Variants in ST3GAL3 observed in about 807,000 individuals in gnomAD.
ST3GAL3 encodes the protein ST3 beta-galactoside alpha-2,3-sialyltransferase 3.
A neutral mutation model predicts 50.1 loss-of-function variants in ST3GAL3; 21 were observed. The ratio of observed to expected loss-of-function variants is 0.42; its 90% CI spans 0.30 to 0.60. The LOEUF (loss-of-function observed/expected upper bound fraction) is 0.60, where lower values mean the gene tolerates loss of function less well. Among genes scored for constraint, ST3GAL3 ranks in the 20% least tolerant of loss-of-function variants. The pLI, the probability that ST3GAL3 is intolerant of heterozygous loss-of-function variation, is 0.19. For missense variants in ST3GAL3, 353 were observed against 489.4 expected, an observed-to-expected ratio of 0.72 and a Z score of 2.63; for synonymous variants, 183 against 190.0, an observed-to-expected ratio of 0.96 and a Z score of 0.30.
At chr1:43,788,608 A>G (rs2057650283) in intron 2 of ST3GAL3, among the ~76,000 whole-genome samples, 1 of 152,216 alleles carries the variant, frequency 6.6e-6, no homozygotes, top group African/African-American at 2.4e-5. Flanking sequence ...TTTACCTCCA[A>G]CTTGTAAAAT....
At chr1:43,855,040 C>T (rs1175639897) in intron 5 of ST3GAL3, among the ~76,000 whole-genome samples, 1 of 152,058 alleles carries the variant, frequency 6.6e-6, no homozygotes, top group African/African-American at 2.4e-5. Context: ...CCACATTGAT[C>T]CTATTATTCT....
At chr1:43,793,939 T>C (rs2058385170) in intron 3 of ST3GAL3, among the ~76,000 whole-genome samples, 1 of 151,792 alleles carries the variant, frequency 6.6e-6, no homozygotes, top group South Asian at 2.1e-4. Flanking sequence ...TTTAAAATAG[T>C]AAGGGCACGG....
At chr1:43,796,385 A>C (rs567363526) in intron 3 of ST3GAL3, among the ~76,000 whole-genome samples, 1 of 152,376 alleles carries the variant, frequency 6.6e-6, no homozygotes, top group East Asian at 1.9e-4. Flanking sequence ...AACCGCTTTA[A>C]GTTATTTATG....
chr1:43,775,523 G>T (rs966118594), intron 2 of ST3GAL3, among the ~76,000 whole-genome samples: 8 of 152,088 alleles, frequency 5.3e-5, no homozygotes. Flanking sequence ...GTGAGCCACC[G>T]CACTCAGCCG....
At chr1:43,723,515 T>C (rs1191298780) in intron 1 of ST3GAL3, among the ~76,000 whole-genome samples, 1 of 152,242 alleles carries the variant, frequency 6.6e-6, no homozygotes, top group African/African-American at 2.4e-5. Flanking sequence ...TTGCTTCTTA[T>C]ACAGCCTACA....
At chr1:43,850,306 C>A in intron 5 of ST3GAL3, 2 of 568,340 alleles carry the variant, frequency 3.5e-6, no homozygotes, top group Admixed American at 2.3e-5. Flanking sequence ...CTTTAGAAGT[C>A]AGGCAGGCCA....
intron 9 of ST3GAL3, among the ~76,000 whole-genome samples, chr1:43,907,132 T>C (rs2079917968): frequency 6.6e-6 from 1 of 152,186 alleles, no homozygotes; most frequent in Admixed American, 6.5e-5. Flanking sequence ...TCCACAACCC[T>C]ACAAGGCAGA....
chr1:43,904,371 C>G (rs954545254), intron 9 of ST3GAL3, among the ~76,000 whole-genome samples: 4 of 151,722 alleles, frequency 2.6e-5, no homozygotes, highest in African/African-American at 9.7e-5. Context: ...CTCCTGCTCC[C>G]GAGCCAGCAT....
rs762331055 is a variant in ST3GAL3, at chr1:43,751,883, G to A, written c.118+15503G>A. Among the ~76,000 whole-genome samples the A allele has an allele frequency of 2.8e-4, 43 of 151,554 alleles. No individual in the cohort carries two copies. In the East Asian group the frequency reaches 3.5e-3, roughly 12 times the overall value. The stretch of plus-strand genomic sequence containing the variant: ...CACCCAGGCTGGAGTGCAGTGGCGC[G>A]ATCTCGGCTCACTGCAACCTCCACC... On this transcript the variant is annotated intron_variant, in intron 2 of 11. Transcript: ENST00000347631.
At position 43,930,194 on chromosome 1, in the gene ST3GAL3, C is replaced by T. The variant is rs2084836496; in HGVS notation, c.1101C>T (p.Val367=). 3.7e-6 allele frequency: 6 copies of T among 1,613,962 alleles called. No individual in the cohort carries two copies. The highest frequency in any genetic ancestry group is 1.1e-5 in the South Asian group (1 of 91,066). ...TGCGGAAGCTGGTGAAAGCTCGCGTCATCACTGATCTAAGCAGTGGCATCT... is the reference window on the plus strand; with the variant it reads ...TGCGGAAGCTGGTGAAAGCTCGCGTTATCACTGATCTAAGCAGTGGCATCT... The part of the protein sequence containing the change: ...EFLRKLVKAR[V]ITDLSSGI Residue 367 remains valine (V), a synonymous_variant, in exon 12 of 12, where the codon GTC becomes GTT. Transcript: ENST00000347631.
At chr1:43,736,100 AG>A (rs1678288852) in intron 1 of ST3GAL3, 132 bp from the exon 2 acceptor site, 1 of 823,748 alleles carries the variant, frequency 1.2e-6, no homozygotes, top group Non-Finnish European at 2.0e-6. Flanking sequence ...GCAGGTTAGA[AG>A]ATGCCATGAT....
intron 5 of ST3GAL3, among the ~76,000 whole-genome samples, chr1:43,853,153 G>T (rs1285669946): frequency 6.6e-6 from 1 of 152,090 alleles, no homozygotes; most frequent in Non-Finnish European, 1.5e-5. Context: ...TCTTTTAGTT[G>T]GTGGCCAGTA....
At chr1:43,770,697 G>A (rs1235691964) in intron 2 of ST3GAL3, among the ~76,000 whole-genome samples, 1 of 152,168 alleles carries the variant, frequency 6.6e-6, no homozygotes, top group Non-Finnish European at 1.5e-5. Flanking sequence ...GACTTGGATA[G>A]TTGTTGATTG....
intron 5 of ST3GAL3, among the ~76,000 whole-genome samples, chr1:43,892,094 C>T (rs2076768046): frequency 1.3e-5 from 2 of 152,202 alleles, no homozygotes; most frequent in African/African-American, 4.8e-5. Context: ...CCAGCGTGCC[C>T]ACCACGCCTG....
chr1:43,917,717 GGAGTAC>G (rs2082312281), intron 9 of ST3GAL3, among the ~76,000 whole-genome samples: 1 of 130,686 alleles, frequency 7.7e-6, no homozygotes, highest in South Asian at 2.2e-4. Flanking sequence ...CATTCACGCT[GGAGTAC>G]AGTGGTGCCA....
At chr1:43,863,328 C>A (rs1270681788) in intron 5 of ST3GAL3, among the ~76,000 whole-genome samples, 1 of 152,170 alleles carries the variant, frequency 6.6e-6, no homozygotes, top group African/African-American at 2.4e-5. Flanking sequence ...CCACTCCAGG[C>A]TGAAGGCAGT....
Position 43,729,280 on chromosome 1 carries a change from A to G in ST3GAL3, c.-30-6953A>G, listed in dbSNP as rs1053741286. Among the ~76,000 whole-genome samples, 8 of 151,820 alleles carry G rather than the reference A, an allele frequency of 5.3e-5. No homozygotes were observed. In the South Asian group the frequency reaches 1.3e-3, roughly 24 times the overall value. On this transcript the variant is annotated intron_variant, in intron 1 of 11. Coordinates refer to ENST00000347631, the MANE Select transcript of ST3GAL3 (RefSeq NM_006279.5). ...ATCGAGACAATTTTTTGTAAAGACTATATTGCCCAGGCTGGTCTCAAACTC... is the reference window on the plus strand; with the variant it reads ...ATCGAGACAATTTTTTGTAAAGACTGTATTGCCCAGGCTGGTCTCAAACTC...
Position 43,899,435 on chromosome 1 carries a change from A to G in ST3GAL3, c.558-106A>G. The G allele has an allele frequency of 6.4e-7, 1 of 1,569,534 alleles. No homozygotes were observed. Among genetic ancestry groups the G allele is most frequent in the African/African-American group, 1.3e-5 (1 of 74,220 alleles). ...ACTAGCGGGGGCACCTGGGGAGAAT[A>G]GGTCCAGGTGACCTGGACTCCCTAT... On this transcript the variant is annotated intron_variant, in intron 8 of 11. Transcript: ENST00000347631. The surrounding 1 kb of genome is among the most constrained non-coding windows in gnomAD (Gnocchi z 5.4).
At chr1:43,819,926 A>G (rs1418228584) in intron 4 of ST3GAL3, among the ~76,000 whole-genome samples, 1 of 152,194 alleles carries the variant, frequency 6.6e-6, no homozygotes, top group African/African-American at 2.4e-5. Context: ...AGCTGCATCT[A>G]TCAACATCAT....
Sources: allele counts gnomAD v4.1 joint callset (sites outside exome capture counted in the v4.1 genomes callset), GRCh38; gene constraint gnomAD v4.1.1; non-coding constraint Gnocchi (gnomAD v3.1); transcripts MANE v1.5; gene names NCBI Gene and HGNC (gene_info 2026-07-23, HGNC 2026-07-21).